ESR1: variants seen among roughly 807,000 people sequenced by gnomAD.
The protein encoded by ESR1 is estrogen receptor.
ESR1 carries 12 observed loss-of-function variants against 52.7 expected under a neutral mutation model. The observed-to-expected ratio is 0.23, with a 90% CI of 0.15 to 0.37. ESR1 has a LOEUF of 0.37. ESR1 is among the 10% of genes least tolerant of loss of function. The pLI is 1.00. For missense variants in ESR1, 584 were observed against 779.7 expected, an observed-to-expected ratio of 0.75 and a Z score of 2.99; for synonymous variants, 305 against 316.8, an observed-to-expected ratio of 0.96 and a Z score of 0.39.
chr6:151,982,993 T>C (rs2040138631), intron 4 of ESR1, among the ~76,000 whole-genome samples: 1 of 152,176 alleles, frequency 6.6e-6, no homozygotes, highest in South Asian at 2.1e-4. Context: ...CTTGAAAGTG[T>C]TTCTGATAAC....
intron 4 of ESR1, among the ~76,000 whole-genome samples, chr6:152,001,484 C>T (rs778818461): frequency 3.9e-5 from 6 of 152,054 alleles, no homozygotes; most frequent in Non-Finnish European, 8.8e-5. Context: ...AAGGCCTCAA[C>T]TCTGTACACT....
chr6:151,940,966 A>G (rs182164642), intron 3 of ESR1, among the ~76,000 whole-genome samples: 2 of 152,338 alleles, frequency 1.3e-5, no homozygotes, highest in East Asian at 3.9e-4. Context: ...TGGAAAGTAG[A>G]TTAGCGTTAG....
chr6:151,917,140 A>T (rs1428647767), intron 3 of ESR1, among the ~76,000 whole-genome samples: 1 of 152,168 alleles, frequency 6.6e-6, no homozygotes, highest in Non-Finnish European at 1.5e-5. Context: ...TCAGCTCTAC[A>T]CCAATCAGCA....
At position 151,736,598 on chromosome 6, in the gene ESR1, C is replaced by T. The variant is rs562380103; in HGVS notation, c.-71+34593C>T. Among the ~76,000 whole-genome samples the T allele has an allele frequency of 1.2e-3, 179 of 151,978 alleles. 3 individuals are homozygous for T. Among genetic ancestry groups the T allele is most frequent in the African/African-American group, 3.6e-3 (149 of 41,426 alleles). On this transcript the variant is annotated intron_variant, in intron 2 of 2. Transcript: ENST00000404742. ...TTCCCCATGTTGCCCAGGGTGGTCT[C>T]GAACTCCTGAGCTCAGGTGATCCAC...
intron 2 of ESR1, among the ~76,000 whole-genome samples, chr6:151,702,441 C>T (rs1238707851): frequency 6.6e-6 from 1 of 152,128 alleles, no homozygotes; most frequent in Non-Finnish European, 1.5e-5. Flanking sequence ...ATTTCACAAC[C>T]TCCTTCTCCT....
chr6:152,053,227 A>G lies in ESR1; in HGVS notation c.1236-7764A>G, dbSNP rs935914246. ...CCTCCCTCAGTCCCTCCCTTAGTCT[A>G]TCTCACTCTACCATCTTTTCCTTTG... On this transcript the variant is annotated intron_variant, in intron 5 of 7. Coordinates refer to ENST00000206249, the MANE Select transcript of ESR1 (RefSeq NM_000125.4). This position sits in a 1 kb window ranked among gnomAD's most constrained non-coding sequence, Gnocchi z 4.1. Among the ~76,000 whole-genome samples, 3 of 150,630 alleles carry G rather than the reference A, an allele frequency of 2.0e-5. No individual in the cohort carries two copies. The highest frequency in any genetic ancestry group is 7.3e-5 in the African/African-American group (3 of 40,846).
intron 6 of ESR1, among the ~76,000 whole-genome samples, chr6:152,077,883 A>G (rs1300463473): frequency 6.6e-6 from 1 of 152,160 alleles, no homozygotes; most frequent in Non-Finnish European, 1.5e-5. Flanking sequence ...TCATAGGCAA[A>G]AGGGACTTGC....
At chr6:152,034,152 A>AG (rs1047675883) in intron 5 of ESR1, among the ~76,000 whole-genome samples, 1 of 101,034 alleles carries the variant, frequency 9.9e-6, no homozygotes, top group Non-Finnish European at 2.1e-5. Context: ...GTGGTTGGGG[A>AG]GGGGGGAGGG....
At position 152,084,452 on chromosome 6, in the gene ESR1, A is replaced by C. The variant is rs1225676022; in HGVS notation, c.1370-9933A>C. On this transcript the variant is annotated intron_variant, in intron 6 of 7. Transcript: ENST00000206249. ...AAAAAGAAAGAAAAGAAAAGAAAAAAAGAAGTGGCTTTTACCTCCCACCAC... is the reference window on the plus strand; with the variant it reads ...AAAAAGAAAGAAAAGAAAAGAAAAACAGAAGTGGCTTTTACCTCCCACCAC... Among the ~76,000 whole-genome samples the C allele has an allele frequency of 3.9e-5, 6 of 152,190 alleles. No homozygotes were observed. The East Asian group carries it at 1.2e-3, about 29-fold the overall frequency.
intron 2 of ESR1, among the ~76,000 whole-genome samples, chr6:151,731,890 C>T (rs1782271991): frequency 6.6e-6 from 1 of 152,104 alleles, no homozygotes; most frequent in Non-Finnish European, 1.5e-5. Context: ...GCTGTTTTCC[C>T]ACTAATCAGA....
intron 1 of ESR1, among the ~76,000 whole-genome samples, chr6:151,657,216 G>C (rs1302873259): frequency 6.6e-6 from 1 of 151,988 alleles, no homozygotes; most frequent in Non-Finnish European, 1.5e-5. Context: ...TAATGTGTGG[G>C]AATTTAAAGT....
At chr6:151,975,068 A>G (rs1408764506) in intron 4 of ESR1, among the ~76,000 whole-genome samples, 1 of 152,066 alleles carries the variant, frequency 6.6e-6, no homozygotes, top group African/African-American at 2.4e-5. Flanking sequence ...GTTACTGTAC[A>G]ATTCAAATTT....
At chr6:151,956,862 A>AT (rs1265902102) in intron 4 of ESR1, among the ~76,000 whole-genome samples, 264 of 79,130 alleles carry the variant, frequency 3.3e-3, no homozygotes, top group East Asian at 3.8e-3. Context: ...ATATATATAT[A>AT]AATATATATA....
At chr6:151,896,299 A>C (rs1422812301) in intron 3 of ESR1, among the ~76,000 whole-genome samples, 2 of 152,140 alleles carry the variant, frequency 1.3e-5, no homozygotes, top group Non-Finnish European at 2.9e-5. Context: ...TTCAGCTGTG[A>C]ATTCATCTGG....
intron 2 of ESR1, among the ~76,000 whole-genome samples, chr6:151,702,983 A>C (rs1200953348): frequency 6.6e-6 from 1 of 152,220 alleles, no homozygotes; most frequent in African/African-American, 2.4e-5. Flanking sequence ...AAGCACAGGA[A>C]GTCTGCACTT....
intron 3 of ESR1, among the ~76,000 whole-genome samples, chr6:151,943,626 G>A (rs2035364422): frequency 6.6e-6 from 1 of 152,120 alleles, no homozygotes; most frequent in African/African-American, 2.4e-5. Flanking sequence ...TATACCTTAT[G>A]AGCAAGTCAT....
At chr6:151,658,869 A>T (rs183999785) in intron 1 of ESR1, among the ~76,000 whole-genome samples, 2 of 152,318 alleles carry the variant, frequency 1.3e-5, no homozygotes, top group African/African-American at 4.8e-5. Flanking sequence ...AAAGCAGCCA[A>T]GTTTGAGTCT....
intron 2 of ESR1, 107 bp downstream of exon 2, chr6:151,842,894 T>C: frequency 1.1e-6 from 1 of 939,664 alleles, no homozygotes; most frequent in Non-Finnish European, 1.7e-6. Flanking sequence ...GTACAAAACA[T>C]GAATCCCTAG....
chr6:151,787,212 G>T (rs1219813935), intron 2 of ESR1, among the ~76,000 whole-genome samples: 2 of 152,300 alleles, frequency 1.3e-5, no homozygotes, highest in East Asian at 3.9e-4. Flanking sequence ...GTGTCTGTTT[G>T]TGTATCAGTG....
Sources: gnomAD v4.1 joint callset for allele counts (sites outside exome capture counted in the v4.1 genomes callset) on GRCh38, gnomAD v4.1.1 for gene constraint, Gnocchi (gnomAD v3.1) non-coding constraint, MANE v1.5 for transcripts, NCBI Gene and HGNC (gene_info 2026-07-23, HGNC 2026-07-21) for gene names.